DDX4: variants seen among roughly 807,000 people sequenced by gnomAD.
DDX4 encodes probable ATP-dependent RNA helicase DDX4.
DDX4 carries 25 observed loss-of-function variants against 100.0 expected under a neutral mutation model. The observed-to-expected ratio is 0.25, with a 90% CI of 0.18 to 0.35. The LOEUF (loss-of-function observed/expected upper bound fraction) is 0.35, where lower values mean the gene tolerates loss of function less well. Among genes scored for constraint, DDX4 ranks in the 10% least tolerant of loss-of-function variants. The pLI is 1.00. For missense variants in DDX4, 635 were observed against 882.4 expected (o/e 0.72, Z 3.55); for synonymous variants, 259 against 275.7 (o/e 0.94, Z 0.60).
At chr5:55,774,935 A>G (rs562682229) in intron 7 of DDX4, among the ~76,000 whole-genome samples, 17 of 152,304 alleles carry the variant, frequency 1.1e-4, no homozygotes, top group South Asian at 2.1e-4. Flanking sequence ...TTAAGTGTAT[A>G]ATTTTTGGCA....
intron 6 of DDX4, among the ~76,000 whole-genome samples, chr5:55,767,295 G>A (rs565923488): frequency 6.6e-6 from 1 of 152,280 alleles, no homozygotes; most frequent in South Asian, 2.1e-4. Flanking sequence ...ACAAAAATTA[G>A]CCAGGCATGG....
intron 3 of DDX4, among the ~76,000 whole-genome samples, chr5:55,748,571 T>A (rs920016953): frequency 6.6e-6 from 1 of 152,122 alleles, no homozygotes; most frequent in African/African-American, 2.4e-5. Flanking sequence ...AAATCACTAA[T>A]GAAAAATATT....
At chr5:55,783,358 A>T (rs1346694301) in intron 10 of DDX4, among the ~76,000 whole-genome samples, 2 of 152,004 alleles carry the variant, frequency 1.3e-5, no homozygotes, top group African/African-American at 4.8e-5. Context: ...ACCTGTGGAC[A>T]TACAAGATAA....
intron 15 of DDX4, 64 bp downstream of exon 15, chr5:55,788,064 T>C (rs543279837): frequency 8.3e-6 from 12 of 1,452,826 alleles, no homozygotes; most frequent in Non-Finnish European, 1.1e-5. Flanking sequence ...TCCCCTCACT[T>C]TTGGAAGAAC....
intron 7 of DDX4, among the ~76,000 whole-genome samples, chr5:55,769,914 T>C (rs963299482): frequency 6.6e-6 from 1 of 151,832 alleles, no homozygotes; most frequent in African/African-American, 2.4e-5. Context: ...TCACCCAGGC[T>C]GGAGTGCAGT....
intron 18 of DDX4, among the ~76,000 whole-genome samples, chr5:55,799,965 G>T (rs1269982301): frequency 6.6e-6 from 1 of 152,070 alleles, no homozygotes; most frequent in East Asian, 1.9e-4. Flanking sequence ...CAGGCTTCTG[G>T]TCTTTAATTT....
rs1561503848 is a variant in DDX4, at chr5:55,787,904, G to GTTT, written c.1078_1080dup (p.Phe360dup). ...ATGCATGATGGAATAACTGCCAGTC[G>GTTT]TTTTAAAGAGTTGCAGGAACCAGAG... is the stretch of plus-strand genomic sequence containing the variant. On this transcript the variant is annotated inframe_insertion, in exon 15 of 22. Coordinates refer to ENST00000505374, the MANE Select transcript of DDX4 (RefSeq NM_024415.3). The GTTT allele has an allele frequency of 1.2e-6, 2 of 1,613,932 alleles. No individual in the cohort carries two copies. Among genetic ancestry groups the GTTT allele is most frequent in the Non-Finnish European group, 1.7e-6 (2 of 1,179,954 alleles).
chr5:55,799,461 A>C (rs1006350567), intron 18 of DDX4, among the ~76,000 whole-genome samples: 9 of 152,118 alleles, frequency 5.9e-5, no homozygotes, highest in African/African-American at 2.2e-4. Flanking sequence ...CTGCAGCCTC[A>C]AGCTCCCAGG....
intron 10 of DDX4, among the ~76,000 whole-genome samples, chr5:55,783,838 GTTT>G (rs147016073): frequency 6.9e-5 from 10 of 144,028 alleles, no homozygotes; most frequent in Admixed American, 5.6e-4. Context: ...AACCAGTAAA[GTTT>G]TTTTTTTTTT....
intron 1 of DDX4, chr5:55,738,418 C>G (rs1758807269): frequency 6.4e-6 from 1 of 156,228 alleles, no homozygotes; most frequent in Non-Finnish European, 1.4e-5. Context: ...GCAACCATAC[C>G]CTTCTTCCCT....
At position 55,756,911 on chromosome 5, in the gene DDX4, T is replaced by C. The variant is rs576946689; in HGVS notation, c.128-3289T>C. Among the ~76,000 whole-genome samples the C allele has an allele frequency of 4.6e-5, 7 of 152,056 alleles. No homozygotes were observed. In the South Asian group the frequency reaches 1.2e-3, roughly 27 times the overall value. On this transcript the variant is annotated intron_variant, in intron 3 of 21. Coordinates refer to ENST00000505374, the MANE Select transcript of DDX4 (RefSeq NM_024415.3). ...ATATGTATTGTGGGGATTGCCGTGA[T>C]ATATATCAATGACAGCATATCATTA...
At chr5:55,768,477 C>G (rs2111865560) in intron 7 of DDX4, among the ~76,000 whole-genome samples, 1 of 152,196 alleles carries the variant, frequency 6.6e-6, no homozygotes, top group Middle Eastern at 3.4e-3. Context: ...TTATGGCTGC[C>G]TAGTATTCCA....
intron 7 of DDX4, among the ~76,000 whole-genome samples, chr5:55,775,073 A>C (rs1002533606): frequency 1.3e-5 from 2 of 152,154 alleles, no homozygotes; most frequent in African/African-American, 2.4e-5. Flanking sequence ...GTTCTCTATG[A>C]AATTTGTCTA....
chr5:55,792,276 T>C (rs1334972090), intron 16 of DDX4, among the ~76,000 whole-genome samples: 1 of 152,026 alleles, frequency 6.6e-6, no homozygotes, highest in Non-Finnish European at 1.5e-5. Context: ...AAATATACAG[T>C]AATATTATCT....
chr5:55,800,394 G>T lies in DDX4; in HGVS notation c.1615+1823G>T, dbSNP rs370143088. 1.3e-4 allele frequency among the ~76,000 whole-genome samples: 19 copies of T among 151,478 alleles called. No individual in the cohort carries two copies. In the East Asian group the frequency reaches 2.3e-3, roughly 19 times the overall value. ...GCTGGAGTACAGTGGCACAATCTCG[G>T]CTCACTGCAACCTCTGCCTCCCGGG... On this transcript the variant is annotated intron_variant, in intron 18 of 21. Coordinates refer to ENST00000505374, the MANE Select transcript of DDX4 (RefSeq NM_024415.3).
intron 3 of DDX4, among the ~76,000 whole-genome samples, chr5:55,753,890 C>T (rs1233000646): frequency 8.5e-6 from 1 of 117,826 alleles, no homozygotes; most frequent in Non-Finnish European, 1.8e-5. Context: ...TCCTTCACAT[C>T]CCTTGTAAGT....
chr5:55,746,053 T>C, intron 2 of DDX4, 111 bp from the exon 3 acceptor site: 1 of 790,824 alleles, frequency 1.3e-6, no homozygotes, highest in Non-Finnish European at 2.0e-6. Flanking sequence ...AGTCTATCAT[T>C]ATTTTGTTCT....
intron 18 of DDX4, among the ~76,000 whole-genome samples, chr5:55,804,273 G>T (rs1743541274): frequency 6.6e-6 from 1 of 151,810 alleles, no homozygotes; most frequent in Admixed American, 6.6e-5. Flanking sequence ...TTTGTAGGTT[G>T]CCTGTTCACT....
chr5:55,796,823 C>CTTTTTTTTTTTTTTTTCTTTTTTT (rs1742981543), intron 17 of DDX4, among the ~76,000 whole-genome samples: 1 of 59,936 alleles, frequency 1.7e-5, no homozygotes, highest in Non-Finnish European at 3.2e-5. Flanking sequence ...TTCTTTCTTT[C>CTTTTTTTTTTTTTTTTCTTTTTTT]TTTTTTTTTT....
Sources: allele counts gnomAD v4.1 joint callset (sites outside exome capture counted in the v4.1 genomes callset), GRCh38; gene constraint gnomAD v4.1.1; transcripts MANE v1.5; gene names NCBI Gene and HGNC (gene_info 2026-07-23, HGNC 2026-07-21).